The following SH3PXD2A variants were observed in gnomAD, a reference collection of about 807,000 sequenced individuals.
The protein encoded by SH3PXD2A is SH3 and PX domains 2A.
In SH3PXD2A, 32 loss-of-function variants were observed where a neutral mutation model predicts 115.2. The ratio of observed to expected loss-of-function variants is 0.28; its 90% CI spans 0.21 to 0.37. The LOEUF is 0.37. Ranked by LOEUF, SH3PXD2A falls within the 10% of genes least tolerant of loss-of-function variation. SH3PXD2A has a pLI of 1.00. For synonymous variants in SH3PXD2A, 610 were observed against 629.1 expected, an observed-to-expected ratio of 0.97 and a Z score of 0.45; for missense variants, 1,328 against 1,498.7, an observed-to-expected ratio of 0.89 and a Z score of 1.88.
intron 13 of SH3PXD2A, among the ~76,000 whole-genome samples, chr10:103,606,542 C>T (rs1042295570): frequency 4.0e-5 from 6 of 150,420 alleles, no homozygotes; most frequent in South Asian, 2.1e-4. Flanking sequence ...CCTCGGATGC[C>T]GAGCCGAAGC....
intron 2 of SH3PXD2A, among the ~76,000 whole-genome samples, chr10:103,798,743 G>C (rs2039118667): frequency 6.6e-6 from 1 of 152,218 alleles, no homozygotes; most frequent in Admixed American, 6.5e-5. Context: ...CCAGCTCCCA[G>C]CGGGCTCCCA....
At chr10:103,736,175 G>A (rs1245892242) in intron 3 of SH3PXD2A, among the ~76,000 whole-genome samples, 2 of 152,234 alleles carry the variant, frequency 1.3e-5, no homozygotes, top group Non-Finnish European at 2.9e-5. Context: ...CACATGCTAC[G>A]CTTTGTTTTC....
chr10:103,646,902 G>C (rs1379685961), intron 8 of SH3PXD2A, among the ~76,000 whole-genome samples: 1 of 152,170 alleles, frequency 6.6e-6, no homozygotes, highest in Non-Finnish European at 1.5e-5. Flanking sequence ...AAGTACCTGA[G>C]GGCAGAGAGA....
At chr10:103,648,145 G>A (rs2037063366) in intron 8 of SH3PXD2A, among the ~76,000 whole-genome samples, 1 of 152,182 alleles carries the variant, frequency 6.6e-6, no homozygotes, top group African/African-American at 2.4e-5. Flanking sequence ...GCGATGAGAA[G>A]GGCCCAGGTA....
chr10:103,661,881 C>T, intron 7 of SH3PXD2A: 1 of 985,190 alleles, frequency 1.0e-6, no homozygotes, highest in Non-Finnish European at 1.2e-6. Flanking sequence ...AAAGTCCCCG[C>T]GCCAGCGGCT....
chr10:103,793,702 A>G (rs2039058789), intron 2 of SH3PXD2A, among the ~76,000 whole-genome samples: 2 of 152,230 alleles, frequency 1.3e-5, no homozygotes, highest in Non-Finnish European at 2.9e-5. Flanking sequence ...TCCTTGGTAC[A>G]AGATCATTCT....
intron 6 of SH3PXD2A, among the ~76,000 whole-genome samples, chr10:103,674,717 G>C (rs2037507980): frequency 6.6e-6 from 1 of 152,114 alleles, no homozygotes; most frequent in Admixed American, 6.5e-5. Flanking sequence ...CTACTCAGGA[G>C]GCTGAGGCAG....
At chr10:103,716,546 A>G (rs1358500733) in intron 5 of SH3PXD2A, among the ~76,000 whole-genome samples, 1 of 152,234 alleles carries the variant, frequency 6.6e-6, no homozygotes, top group East Asian at 1.9e-4. Flanking sequence ...AGCAGGAAGA[A>G]ACAAGCCGAA....
At chr10:103,830,752 C>T (rs1047461731) in intron 1 of SH3PXD2A, among the ~76,000 whole-genome samples, 14 of 152,066 alleles carry the variant, frequency 9.2e-5, no homozygotes, top group African/African-American at 2.9e-4. Context: ...TAGCATAACA[C>T]CATGTATATA....
chr10:103,732,718 A>G (rs1352923371), intron 4 of SH3PXD2A, among the ~76,000 whole-genome samples: 1 of 152,206 alleles, frequency 6.6e-6, no homozygotes, highest in Non-Finnish European at 1.5e-5. Flanking sequence ...CTGAGCCCAC[A>G]TTGTCTAGCA....
At chr10:103,765,145 G>A (rs1264011029) in intron 3 of SH3PXD2A, among the ~76,000 whole-genome samples, 1 of 152,170 alleles carries the variant, frequency 6.6e-6, no homozygotes, top group Non-Finnish European at 1.5e-5. Context: ...CAACTTCTCT[G>A]TATTGGTAAT....
At chr10:103,821,301 G>A (rs1318405936) in intron 1 of SH3PXD2A, among the ~76,000 whole-genome samples, 2 of 151,802 alleles carry the variant, frequency 1.3e-5, no homozygotes, top group Admixed American at 6.6e-5. Context: ...GCTAATTTTC[G>A]TATTTTTAGT....
chr10:103,741,497 C>G (rs1231651811), intron 3 of SH3PXD2A, among the ~76,000 whole-genome samples: 2 of 152,184 alleles, frequency 1.3e-5, no homozygotes, highest in Non-Finnish European at 2.9e-5. Flanking sequence ...CTCCTCAGGA[C>G]CCCCTCTCAT....
intron 9 of SH3PXD2A, among the ~76,000 whole-genome samples, chr10:103,623,936 C>T (rs11594160): frequency 1.1e-3 from 173 of 152,308 alleles, no homozygotes; most frequent in Non-Finnish European, 2.2e-3. Flanking sequence ...GTGTTGATGT[C>T]GGCATTTACT....
intron 8 of SH3PXD2A, among the ~76,000 whole-genome samples, chr10:103,647,878 C>G (rs2037058738): frequency 6.6e-6 from 1 of 152,144 alleles, no homozygotes; most frequent in Admixed American, 6.5e-5. Flanking sequence ...CAATCAGATG[C>G]TTGCCCAGGA....
chr10:103,647,262 G>A (rs749886147), intron 8 of SH3PXD2A, among the ~76,000 whole-genome samples: 2 of 152,116 alleles, frequency 1.3e-5, no homozygotes, highest in African/African-American at 2.4e-5. Context: ...GGATGTCTCC[G>A]TCCCTCAAAT....
chr10:103,842,122 C>T (rs77373459), intron 1 of SH3PXD2A, among the ~76,000 whole-genome samples: 13,660 of 102,894 alleles, frequency 0.13, 690 homozygotes, highest in East Asian at 0.29. Flanking sequence ...GAGACTCCGT[C>T]TCAAAAAAAA....
At chr10:103,812,526 A>G (rs1004639845) in intron 1 of SH3PXD2A, among the ~76,000 whole-genome samples, 2 of 151,774 alleles carry the variant, frequency 1.3e-5, no homozygotes, top group East Asian at 1.9e-4. Context: ...CATTCCACAC[A>G]CTCCCAAATC....
intron 7 of SH3PXD2A, among the ~76,000 whole-genome samples, chr10:103,664,052 G>A (rs887246151): frequency 2.0e-5 from 3 of 152,218 alleles, no homozygotes; most frequent in South Asian, 2.1e-4. Context: ...AGGCAGCGCC[G>A]GGTGCTGCGC....
Sources: allele counts gnomAD v4.1 joint callset (sites outside exome capture counted in the v4.1 genomes callset), GRCh38; gene constraint gnomAD v4.1.1; transcripts MANE v1.5; gene names NCBI Gene and HGNC (gene_info 2026-07-23, HGNC 2026-07-21).